The following DAB1 variants were observed in gnomAD, a reference collection of about 807,000 sequenced individuals.
DAB1 encodes DAB adaptor protein 1.
In DAB1, 15 loss-of-function variants were observed where a neutral mutation model predicts 64.6. The ratio of observed to expected loss-of-function variants is 0.23; its 90% CI spans 0.16 to 0.36. The LOEUF is 0.36. Ranked by LOEUF, DAB1 falls within the 10% of genes least tolerant of loss-of-function variation. The pLI, the probability that DAB1 is intolerant of heterozygous loss-of-function variation, is 1.00. For synonymous variants in DAB1, 235 were observed against 251.9 expected (o/e 0.93, Z 0.64); for missense variants, 596 against 706.7 (o/e 0.84, Z 1.78).
chr1:57,481,783 C>T (rs969777095), intron 7 of DAB1, among the ~76,000 whole-genome samples: 4 of 150,204 alleles, frequency 2.7e-5, no homozygotes, highest in Admixed American at 1.3e-4. Flanking sequence ...CACCACTGCA[C>T]TCCAGCCTGG....
At chr1:58,487,504 C>T (rs1645595454) in intron 3 of DAB1, among the ~76,000 whole-genome samples, 1 of 152,134 alleles carries the variant, frequency 6.6e-6, no homozygotes, top group Non-Finnish European at 1.5e-5. Context: ...TAATAACATA[C>T]CTTTCTACAT....
chr1:57,875,136 G>T (rs1433604266), intron 1 of DAB1: 1 of 152,146 alleles, frequency 6.6e-6, no homozygotes, highest in African/African-American at 2.4e-5. Context: ...GTGTGGTTAT[G>T]CCTGCTCTCT....
At chr1:58,226,645 T>G (rs1288346298) in intron 4 of DAB1, among the ~76,000 whole-genome samples, 1 of 152,228 alleles carries the variant, frequency 6.6e-6, no homozygotes, top group Non-Finnish European at 1.5e-5. Flanking sequence ...TAGCTGACAT[T>G]TATTGAATGT....
intron 4 of DAB1, among the ~76,000 whole-genome samples, chr1:58,212,370 G>A (rs1658602636): frequency 6.6e-6 from 1 of 152,194 alleles, no homozygotes; most frequent in African/African-American, 2.4e-5. Context: ...ATAGAAAAGT[G>A]AGGTAAAATG....
At chr1:57,994,466 G>A (rs1213224170) in intron 5 of DAB1, among the ~76,000 whole-genome samples, 1 of 152,142 alleles carries the variant, frequency 6.6e-6, no homozygotes, top group Non-Finnish European at 1.5e-5. Flanking sequence ...GTTTGTAAGA[G>A]ACTCAGAGCA....
At chr1:57,915,542 C>T (rs1033301872) in intron 5 of DAB1, among the ~76,000 whole-genome samples, 2 of 151,574 alleles carry the variant, frequency 1.3e-5, no homozygotes, top group African/African-American at 4.9e-5. Context: ...CTTAAGACAT[C>T]AAAGCTGGCA....
At chr1:58,266,267 G>C (rs1039016577) in intron 4 of DAB1, among the ~76,000 whole-genome samples, 7 of 152,194 alleles carry the variant, frequency 4.6e-5, no homozygotes, top group Non-Finnish European at 1.0e-4. Context: ...TCTCCCTACA[G>C]GGTGGTAGGT....
At chr1:57,936,964 C>A (rs1645035330) in intron 5 of DAB1, among the ~76,000 whole-genome samples, 1 of 152,030 alleles carries the variant, frequency 6.6e-6, no homozygotes, top group African/African-American at 2.4e-5. Context: ...TTGTTCTCAC[C>A]TCAGGGCCTT....
intron 5 of DAB1, among the ~76,000 whole-genome samples, chr1:57,966,220 T>C (rs1337976097): frequency 2.0e-5 from 3 of 152,134 alleles, no homozygotes; most frequent in Admixed American, 1.3e-4. Context: ...TGCGATAAAT[T>C]AAATATGGTT....
intron 7 of DAB1, among the ~76,000 whole-genome samples, chr1:57,507,227 C>T (rs2101336489): frequency 6.6e-6 from 1 of 152,234 alleles, no homozygotes. Context: ...TTTCCTATTC[C>T]AGCCAGATTG....
intron 6 of DAB1, among the ~76,000 whole-genome samples, chr1:57,704,666 C>T (rs1646944586): frequency 6.6e-6 from 1 of 152,096 alleles, no homozygotes; most frequent in Admixed American, 6.5e-5. Flanking sequence ...GGTAGAAGAG[C>T]CAACTCCAGA....
intron 5 of DAB1, among the ~76,000 whole-genome samples, chr1:58,017,887 C>T (rs1253430036): frequency 6.6e-6 from 1 of 152,186 alleles, no homozygotes; most frequent in African/African-American, 2.4e-5. Flanking sequence ...GCTCAGGAGT[C>T]CCAGCCCTCC....
intron 5 of DAB1, among the ~76,000 whole-genome samples, chr1:58,127,727 C>T (rs1653217060): frequency 6.6e-6 from 1 of 151,722 alleles, no homozygotes; most frequent in African/African-American, 2.4e-5. Flanking sequence ...ATCCTTTCCC[C>T]ATTGCTTGTT....
intron 6 of DAB1, among the ~76,000 whole-genome samples, chr1:57,708,379 A>C (rs1646991439): frequency 6.6e-6 from 1 of 152,130 alleles, no homozygotes. Context: ...CTTTCCCTCA[A>C]GTGGAAGGAG....
chr1:57,770,943 G>A (rs1225378415), intron 6 of DAB1, among the ~76,000 whole-genome samples: 3 of 152,112 alleles, frequency 2.0e-5, no homozygotes, highest in Non-Finnish European at 4.4e-5. Context: ...AATCCATACT[G>A]AGCAGATTAC....
At chr1:57,238,895 C>A (rs537760) in intron 2 of DAB1, among the ~76,000 whole-genome samples, 7,040 of 123,328 alleles carry the variant, frequency 0.057, 337 homozygotes, top group African/African-American at 0.14. Flanking sequence ...ACACACACAC[C>A]CCTAACTTGA....
intron 7 of DAB1, among the ~76,000 whole-genome samples, chr1:57,488,717 T>A (rs990007254): frequency 6.6e-6 from 1 of 151,762 alleles, no homozygotes; most frequent in African/African-American, 2.4e-5. Context: ...AAAATAAAAA[T>A]TATATAGGTG....
intron 5 of DAB1, among the ~76,000 whole-genome samples, chr1:58,003,237 T>C (rs552375627): frequency 6.6e-6 from 1 of 152,318 alleles, no homozygotes; most frequent in African/African-American, 2.4e-5. Context: ...ATAAGCCCTT[T>C]CTTTTTCAGG....
chr1:58,400,131 C>A (rs567194838), intron 3 of DAB1, among the ~76,000 whole-genome samples: 45 of 151,838 alleles, frequency 3.0e-4, no homozygotes, highest in Non-Finnish European at 5.7e-4. Context: ...GCATCCCAGG[C>A]AGGGCTTTCT....
Sources: gnomAD v4.1 joint callset for allele counts (sites outside exome capture counted in the v4.1 genomes callset) on GRCh38, gnomAD v4.1.1 for gene constraint, MANE v1.5 for transcripts, NCBI Gene and HGNC (gene_info 2026-07-23, HGNC 2026-07-21) for gene names.